The following STX12 variants were observed in gnomAD, a reference collection of about 807,000 sequenced individuals.
STX12 encodes the protein syntaxin 12.
STX12 carries 17 observed loss-of-function variants against 42.2 expected under a neutral mutation model. The observed-to-expected ratio is 0.40, with a 90% CI of 0.28 to 0.60. The LOEUF is 0.60. Among genes scored for constraint, STX12 ranks in the 20% least tolerant of loss-of-function variants. The pLI, the probability that STX12 is intolerant of heterozygous loss-of-function variation, is 0.39. For missense variants in STX12, 297 were observed against 330.9 expected (o/e 0.90, Z 0.79); for synonymous variants, 108 against 116.7 (o/e 0.93, Z 0.48).
At chr1:27,790,699 T>C (rs1170648878) in intron 2 of STX12, among the ~76,000 whole-genome samples, 1 of 152,186 alleles carries the variant, frequency 6.6e-6, no homozygotes, top group Non-Finnish European at 1.5e-5. Flanking sequence ...CCCAGCACTT[T>C]GGGAGGCTGA....
At chr1:27,811,683 A>G (rs1012987512) in intron 5 of STX12, among the ~76,000 whole-genome samples, 2 of 151,932 alleles carry the variant, frequency 1.3e-5, no homozygotes, top group African/African-American at 4.8e-5. Flanking sequence ...GAAATTTTGG[A>G]AAACTAGGAG....
chr1:27,810,196 CTG>C, intron 4 of STX12, 48 bp from the exon 5 acceptor site: 1 of 1,575,184 alleles, frequency 6.3e-7, no homozygotes, highest in Non-Finnish European at 8.7e-7. Flanking sequence ...TTTTGTGTGT[CTG>C]TGATGTGTTT....
intron 1 of STX12, among the ~76,000 whole-genome samples, chr1:27,777,806 G>C (rs1462278717): frequency 1.3e-5 from 2 of 152,148 alleles, no homozygotes; most frequent in Non-Finnish European, 2.9e-5. Context: ...AGAATTGCTT[G>C]AATCCGGGAG....
At chr1:27,776,915 G>A (rs1474442746) in intron 1 of STX12, among the ~76,000 whole-genome samples, 1 of 152,080 alleles carries the variant, frequency 6.6e-6, no homozygotes, top group East Asian at 1.9e-4. Flanking sequence ...TGAGTCAAGG[G>A]ACATGACTTA....
chr1:27,789,778 C>T (rs750832377), intron 2 of STX12, 147 bp downstream of exon 2: 124 of 602,264 alleles, frequency 2.1e-4, no homozygotes, highest in South Asian at 1.2e-3. Context: ...AAAAGAGGGG[C>T]GGGGCAACAA....
At chr1:27,776,435 T>A (rs1328119700) in intron 1 of STX12, among the ~76,000 whole-genome samples, 1 of 152,168 alleles carries the variant, frequency 6.6e-6, no homozygotes, top group African/African-American at 2.4e-5. Context: ...AGTTCTGGGC[T>A]GTGCTCAGTG....
At chr1:27,807,950 C>G (rs1232702814) in intron 4 of STX12, among the ~76,000 whole-genome samples, 2 of 152,014 alleles carry the variant, frequency 1.3e-5, no homozygotes, top group Non-Finnish European at 1.5e-5. Flanking sequence ...AGTATAATTC[C>G]ATTTATGTAA....
chr1:27,773,659 C>T lies in STX12; in HGVS notation c.118+234C>T, dbSNP rs568764589. ...CTGCTTCTCTGGAGTTCTGCCCCCA[C>T]GGTGCTGGGACCAAAACAGCCGACT... On this transcript the variant is annotated intron_variant, in intron 1 of 8. Coordinates refer to ENST00000373943, the MANE Select transcript of STX12 (RefSeq NM_177424.3). 1.6e-4 allele frequency among the ~76,000 whole-genome samples: 24 copies of T among 152,336 alleles called. 2 individuals are homozygous for T. In the South Asian group the frequency reaches 4.8e-3, roughly 30 times the overall value.
intron 4 of STX12, among the ~76,000 whole-genome samples, chr1:27,809,294 C>T (rs1371698133): frequency 8.8e-3 from 1 of 114 alleles, no homozygotes; most frequent in African/African-American, 0.018. Context: ...GAGATCGTGC[C>T]ACTCGATCCA....
chr1:27,781,272 G>A (rs1422110971), intron 1 of STX12, among the ~76,000 whole-genome samples: 1 of 152,106 alleles, frequency 6.6e-6, no homozygotes. Context: ...TCGAACTCCT[G>A]ACGTCAGGCG....
At chr1:27,818,330 G>A (rs956738550) in intron 7 of STX12, among the ~76,000 whole-genome samples, 6 of 151,402 alleles carry the variant, frequency 4.0e-5, no homozygotes, top group African/African-American at 1.2e-4. Context: ...GCAGTGAGCC[G>A]AGATTGCGCC....
chr1:27,818,890 G>C (rs2088962917), intron 7 of STX12, among the ~76,000 whole-genome samples: 1 of 152,100 alleles, frequency 6.6e-6, no homozygotes, highest in African/African-American at 2.4e-5. Flanking sequence ...GGCCTCCCAG[G>C]TGGTGGGATT....
At chr1:27,813,407 C>T (rs2088918293) in intron 6 of STX12, among the ~76,000 whole-genome samples, 3 of 152,112 alleles carry the variant, frequency 2.0e-5, no homozygotes, top group African/African-American at 7.2e-5. Context: ...AACTTCTGAC[C>T]TCAAGTGATC....
At chr1:27,800,937 T>C (rs185483874) in intron 3 of STX12, among the ~76,000 whole-genome samples, 84 of 152,342 alleles carry the variant, frequency 5.5e-4, no homozygotes, top group African/African-American at 1.9e-3. Context: ...GAAATGCTTC[T>C]ATAGTTTACA....
chr1:27,821,283 T>TA (rs1377135003), intron 8 of STX12, among the ~76,000 whole-genome samples: 13 of 152,190 alleles, frequency 8.5e-5, no homozygotes, highest in African/African-American at 2.9e-4. Context: ...GTGTTTCCTT[T>TA]AAAAACTAGG....
rs182519164 is a variant in STX12 at position 27,773,582 on chromosome 1, A to G, written c.118+157A>G. Among the ~76,000 whole-genome samples, 37 of 152,220 alleles carry G rather than the reference A, an allele frequency of 2.4e-4. No individual in the cohort carries two copies. In the East Asian group the frequency reaches 5.4e-3, roughly 22 times the overall value. On this transcript the variant is annotated intron_variant, in intron 1 of 8. Transcript: ENST00000373943. ...GGGGGCGGTGGGCTGCCATCCCCCA[A>G]TCTGTCAGGCCCGGGTTGCCCGAGG...
intron 2 of STX12, among the ~76,000 whole-genome samples, chr1:27,792,136 G>A (rs1205217358): frequency 2.5e-5 from 3 of 120,572 alleles, no homozygotes; most frequent in African/African-American, 4.2e-5. Flanking sequence ...ATCTATATAT[G>A]TATATATCTA....
At chr1:27,786,401 A>G (rs1393696344) in intron 1 of STX12, among the ~76,000 whole-genome samples, 1 of 152,168 alleles carries the variant, frequency 6.6e-6, no homozygotes, top group Non-Finnish European at 1.5e-5. Flanking sequence ...ACCACTCTAT[A>G]TAACTAGTAT....
chr1:27,793,556 A>G lies in STX12; in HGVS notation c.212A>G (p.Asn71Ser). The G allele has an allele frequency of 6.2e-7, 1 of 1,614,150 alleles. No individual in the cohort carries two copies. The highest frequency in any genetic ancestry group is 1.3e-5 in the African/African-American group (1 of 75,048). Residue 71 changes from asparagine to serine, a missense_variant, in exon 3 of 9, where the codon AAT (asparagine) becomes AGT (serine). Asn to Ser is a conservative substitution (Grantham distance 46). Coordinates refer to ENST00000373943, the MANE Select transcript of STX12 (RefSeq NM_177424.3). ...ENLQQLQHST[N>S]QLAKETNELL... ...AGGCAACAGTTACAACACTCCACAA[A>G]TCAGCTCGCCAAGGAAACAAATGAA...
Sources: gnomAD v4.1 joint callset for allele counts (sites outside exome capture counted in the v4.1 genomes callset) on GRCh38, gnomAD v4.1.1 for gene constraint, MANE v1.5 for transcripts, NCBI Gene and HGNC (gene_info 2026-07-23, HGNC 2026-07-21) for gene names.